Variants in LPP observed in about 807,000 individuals in gnomAD.
The protein encoded by LPP is lipoma-preferred partner.
A neutral mutation model predicts 60.4 loss-of-function variants in LPP; 38 were observed. The observed-to-expected ratio is 0.63, with a 90% CI of 0.49 to 0.83. LPP has a LOEUF of 0.83. Ranked by LOEUF, LPP falls within the 40% of genes least tolerant of loss-of-function variation. LPP has a pLI of 0.00. For missense variants in LPP, 902 were observed against 783.6 expected (o/e 1.15, Z -1.80); for synonymous variants, 328 against 290.8 (o/e 1.13, Z -1.30).
In LPP at chr3:188,835,519, G is replaced by A. The variant is rs6788510; in HGVS notation, c.1411-30681G>A. ...CTGTAATCCTAGCTACTCGGGAGGCGGAGGCAGGAGAATCACTCGAACCCG... is the reference window on the plus strand; with the variant it reads ...CTGTAATCCTAGCTACTCGGGAGGCAGAGGCAGGAGAATCACTCGAACCCG... On this transcript the variant is annotated intron_variant, in intron 9 of 11. Transcript: ENST00000617246. Among the ~76,000 whole-genome samples, 338 of 151,826 alleles carry A rather than the reference G, an allele frequency of 2.2e-3. 2 individuals are homozygous for A. The highest frequency in any genetic ancestry group is 7.9e-3 in the African/African-American group (326 of 41,436).
chr3:188,512,276 G>A (rs1368075917), intron 5 of LPP, among the ~76,000 whole-genome samples: 3 of 151,970 alleles, frequency 2.0e-5, no homozygotes, highest in African/African-American at 4.8e-5. Context: ...GAAAATTCTC[G>A]GCCAGACATG....
intron 9 of LPP, among the ~76,000 whole-genome samples, chr3:188,842,275 A>G (rs1180785434): frequency 6.6e-6 from 1 of 152,238 alleles, no homozygotes. Context: ...TCTGATGAGC[A>G]ATGATGTTAA....
intron 2 of LPP, among the ~76,000 whole-genome samples, chr3:188,326,204 G>A (rs548927270): frequency 3.9e-5 from 6 of 152,274 alleles, no homozygotes; most frequent in East Asian, 1.9e-4. Context: ...CAGGTCTTCC[G>A]ACTTTTACGT....
chr3:188,544,273 G>A (rs889194446), intron 6 of LPP, among the ~76,000 whole-genome samples: 6 of 152,114 alleles, frequency 3.9e-5, no homozygotes, highest in East Asian at 1.9e-4. Flanking sequence ...AGATACACAT[G>A]TTCAACTTTT....
At chr3:188,774,012 A>C (rs181855432) in intron 9 of LPP, among the ~76,000 whole-genome samples, 56 of 152,304 alleles carry the variant, frequency 3.7e-4, no homozygotes, top group Non-Finnish European at 5.9e-5. Flanking sequence ...ATTCCCTTTT[A>C]CAATGTAACA....
intron 1 of LPP, among the ~76,000 whole-genome samples, chr3:188,173,529 C>G (rs558975999): frequency 5.8e-4 from 88 of 150,840 alleles, no homozygotes; most frequent in African/African-American, 2.1e-3. Context: ...AAAAAACAAA[C>G]AAAAAAAACC....
At chr3:188,819,136 C>G (rs1349144899) in intron 9 of LPP, among the ~76,000 whole-genome samples, 1 of 150,490 alleles carries the variant, frequency 6.6e-6, no homozygotes, top group African/African-American at 2.4e-5. Context: ...TCTTAAAATG[C>G]TAAACACTTT....
chr3:188,394,619 G>A (rs1780476146), intron 3 of LPP, among the ~76,000 whole-genome samples: 1 of 151,028 alleles, frequency 6.6e-6, no homozygotes, highest in Admixed American at 6.6e-5. Context: ...AACATTAGCT[G>A]AGTATATTTT....
intron 7 of LPP, among the ~76,000 whole-genome samples, chr3:188,639,910 A>C (rs1849690150): frequency 6.6e-6 from 1 of 151,956 alleles, no homozygotes; most frequent in African/African-American, 2.4e-5. Flanking sequence ...ACACTTTTAC[A>C]CTGTTGGTGG....
intron 2 of LPP, among the ~76,000 whole-genome samples, chr3:188,317,961 C>G (rs1342227233): frequency 1.3e-5 from 2 of 152,152 alleles, no homozygotes; most frequent in African/African-American, 4.8e-5. Context: ...AATGCCAGCA[C>G]TGTCTTTGGA....
intron 7 of LPP, among the ~76,000 whole-genome samples, chr3:188,620,225 T>C (rs183340175): frequency 1.8e-4 from 27 of 152,282 alleles, no homozygotes; most frequent in Middle Eastern, 6.8e-3. Flanking sequence ...ATATTCACAG[T>C]ATATTTTACT....
At chr3:188,162,896 C>CACCA (rs1718742964) in intron 1 of LPP, among the ~76,000 whole-genome samples, 1 of 152,188 alleles carries the variant, frequency 6.6e-6, no homozygotes, top group Non-Finnish European at 1.5e-5. Context: ...CTGTTTAATA[C>CACCA]AGGGTGCTCC....
chr3:188,291,446 TG>T, intron 2 of LPP, among the ~76,000 whole-genome samples: 1 of 152,104 alleles, frequency 6.6e-6, no homozygotes, highest in Non-Finnish European at 1.5e-5. Flanking sequence ...GAGACCATCC[TG>T]GCTAACACGG....
At chr3:188,402,580 A>G (rs539920305) in intron 3 of LPP, among the ~76,000 whole-genome samples, 6 of 152,342 alleles carry the variant, frequency 3.9e-5, no homozygotes, top group African/African-American at 1.4e-4. Context: ...AAATTAAGGG[A>G]AGATAAAAGA....
chr3:188,876,315 A>G lies in LPP; in HGVS notation c.*1836A>G, dbSNP rs1403483431. ...CTTAAGCCGATGGTCACTATAGCTC[A>G]TCCTTAATGTATGGCTCATTTGCTT... On this transcript the variant is annotated 3_prime_UTR_variant, in exon 12 of 12. Transcript: ENST00000617246. The G allele has an allele frequency of 5.3e-6, 1 of 190,318 alleles. No homozygotes were observed. Among genetic ancestry groups the G allele is most frequent in the Non-Finnish European group, 1.1e-5 (1 of 90,388 alleles). 11.8% of individuals were successfully genotyped at this position (190,318 alleles called of 1,614,324 possible).
At chr3:188,792,615 G>GT (rs529629180) in intron 9 of LPP, among the ~76,000 whole-genome samples, 44 of 151,796 alleles carry the variant, frequency 2.9e-4, no homozygotes, top group Non-Finnish European at 5.2e-4. Flanking sequence ...TGTTTTTTTG[G>GT]TTTTTTTTCT....
chr3:188,223,606 C>T (rs1716631538), intron 1 of LPP, among the ~76,000 whole-genome samples: 1 of 152,108 alleles, frequency 6.6e-6, no homozygotes, highest in African/African-American at 2.4e-5. Context: ...TGGAGGGAAG[C>T]TGGAGAGTGT....
intron 2 of LPP, among the ~76,000 whole-genome samples, chr3:188,333,429 G>A (rs1327756000): frequency 6.6e-6 from 1 of 152,100 alleles, no homozygotes; most frequent in Non-Finnish European, 1.5e-5. Context: ...AATATACTAG[G>A]AACAGTATCA....
Position 188,874,374 on chromosome 3 carries a change from A to G in LPP, c.1734A>G (p.Glu578=), listed in dbSNP as rs1188312693. The change falls in exon 12 of 12, where the codon GAA becomes GAG. Residue 578 remains glutamate, a synonymous_variant. Transcript: ENST00000617246. ...RCEDCGGLLS[E]GDNQGCYPLD... ...AGGATTGCGGTGGTCTCCTGTCTGA[A>G]GGAGATAACCAAGGCTGCTACCCCT... 1 of 1,613,906 alleles carries G rather than the reference A, an allele frequency of 6.2e-7. No homozygotes were observed. Among genetic ancestry groups the G allele is most frequent in the African/African-American group, 1.3e-5 (1 of 74,904 alleles).
Sources: allele counts gnomAD v4.1 joint callset (sites outside exome capture counted in the v4.1 genomes callset), GRCh38; gene constraint gnomAD v4.1.1; transcripts MANE v1.5; gene names NCBI Gene and HGNC (gene_info 2026-07-23, HGNC 2026-07-21).